LMNB1: variants seen among roughly 807,000 people sequenced by gnomAD.
LMNB1 encodes the protein lamin-B1.
In LMNB1, 23 loss-of-function variants were observed where a neutral mutation model predicts 67.1. The ratio of observed to expected loss-of-function variants is 0.34; its 90% CI spans 0.25 to 0.49. LMNB1 has a LOEUF of 0.49. Ranked by LOEUF, LMNB1 falls within the 20% of genes least tolerant of loss-of-function variation. The pLI is 0.99. For missense variants in LMNB1, 634 were observed against 746.5 expected, an observed-to-expected ratio of 0.85 and a Z score of 1.76; for synonymous variants, 281 against 282.9, an observed-to-expected ratio of 0.99 and a Z score of 0.07.
At chr5:126,822,978 G>C (rs897881612) in intron 8 of LMNB1, 93 bp downstream of exon 8, 2 of 749,382 alleles carry the variant, frequency 2.7e-6, no homozygotes, top group African/African-American at 3.6e-5. Context: ...AAGCATTTTA[G>C]AAATGGCCGT....
chr5:126,789,208 T>C (rs1750888443), intron 1 of LMNB1, among the ~76,000 whole-genome samples: 2 of 151,992 alleles, frequency 1.3e-5, no homozygotes, highest in African/African-American at 4.8e-5. Context: ...TTCTTAAGGG[T>C]CAATTTAAAC....
chr5:126,789,384 A>G (rs1289347241), intron 1 of LMNB1, among the ~76,000 whole-genome samples: 3 of 152,138 alleles, frequency 2.0e-5, no homozygotes, highest in African/African-American at 4.8e-5. Context: ...TAGGGTGACC[A>G]TATAATTTGG....
chr5:126,784,473 A>T (rs1750712708), intron 1 of LMNB1, among the ~76,000 whole-genome samples: 1 of 151,060 alleles, frequency 6.6e-6, no homozygotes, highest in African/African-American at 2.4e-5. Context: ...TCTCTGCCTC[A>T]GCCTCCGGAG....
chr5:126,836,120 G>A (rs1752242318), intron 10 of LMNB1, 103 bp from the exon 11 acceptor site: 2 of 793,384 alleles, frequency 2.5e-6, no homozygotes, highest in East Asian at 4.9e-5. Context: ...TTGAGGTTAG[G>A]TAATATGGTT....
rs74562505 is a variant in LMNB1, at chr5:126,824,693, C to T, written c.1492-1295C>T. ...TCTGAATGTTGGACCAGATTCAGTT[C>T]TTTTTTTCAGTTTAATCCCAGTTAA... On this transcript the variant is annotated intron_variant, in intron 8 of 10. Transcript: ENST00000261366. Among the ~76,000 whole-genome samples, 1,212 of 152,240 alleles carry T rather than the reference C, an allele frequency of 8.0e-3. 14 individuals are homozygous for T. Among genetic ancestry groups the T allele is most frequent in the African/African-American group, 0.027 (1,114 of 41,536 alleles).
chr5:126,834,321 T>C (rs867417449), intron 10 of LMNB1, among the ~76,000 whole-genome samples: 2 of 152,226 alleles, frequency 1.3e-5, no homozygotes, highest in South Asian at 4.1e-4. Flanking sequence ...TACCCCTGCC[T>C]CAGTCTCCCA....
intron 1 of LMNB1, among the ~76,000 whole-genome samples, chr5:126,803,043 C>T (rs191030324): frequency 4.0e-5 from 6 of 151,298 alleles, no homozygotes; most frequent in East Asian, 2.0e-4. Context: ...AAAATTATCT[C>T]GGCCTAGTAC....
At chr5:126,810,487 T>C in intron 4 of LMNB1, 137 bp downstream of exon 4, 1 of 681,862 alleles carries the variant, frequency 1.5e-6, no homozygotes, top group Non-Finnish European at 2.2e-6. Flanking sequence ...ATATAGAAAA[T>C]TGATTTTTTC....
At chr5:126,805,218 G>T (rs1018236409) in intron 2 of LMNB1, among the ~76,000 whole-genome samples, 2 of 152,090 alleles carry the variant, frequency 1.3e-5, no homozygotes, top group Admixed American at 6.5e-5. Flanking sequence ...TATTTTGTTA[G>T]TTAGGAAATA....
At chr5:126,777,914 C>G in intron 1 of LMNB1, 47 bp downstream of exon 1, 1 of 1,375,146 alleles carries the variant, frequency 7.3e-7, no homozygotes, top group Non-Finnish European at 9.4e-7. Context: ...GGGGCGGGGG[C>G]GCAACCGCGG....
At position 126,777,783 on chromosome 5, in the gene LMNB1, C is replaced by T; in HGVS notation, c.275C>T (p.Ala92Val). ...ACCGAGCTGGCCGACGCGCGACGCGCGCTCGACGACACGGCCCGCGAGCGC... is the reference window on the plus strand; with the variant it reads ...ACCGAGCTGGCCGACGCGCGACGCGTGCTCGACGACACGGCCCGCGAGCGC... ...YETELADARR[A>V]LDDTARERAK... is the part of the protein sequence containing the mutation. The change falls in exon 1 of 11, where the codon GCG becomes GTG. Residue 92 changes from alanine to valine, a missense_variant. Physicochemically the swap from Ala to Val is moderately conservative, Grantham distance 64 (BLOSUM62 0). Coordinates refer to ENST00000261366, the MANE Select transcript of LMNB1 (RefSeq NM_005573.4). The T allele has an allele frequency of 2.7e-6, 4 of 1,508,434 alleles. No individual in the cohort carries two copies. The highest frequency in any genetic ancestry group is 1.4e-5 in the African/African-American group (1 of 69,904). The allele number at this position is 1,508,434 out of a possible 1,614,324, so 93.4% of individuals were successfully genotyped here.
chr5:126,808,215 ACT>A (rs1751499906), intron 3 of LMNB1, among the ~76,000 whole-genome samples: 1 of 123,804 alleles, frequency 8.1e-6, no homozygotes, highest in Non-Finnish European at 1.7e-5. Flanking sequence ...ACAGAGTCTC[ACT>A]CTGTTGCCCA....
chr5:126,829,055 C>A (rs1451871387), intron 9 of LMNB1, among the ~76,000 whole-genome samples: 1 of 151,452 alleles, frequency 6.6e-6, no homozygotes, highest in African/African-American at 2.4e-5. Context: ...ACATTAGGAA[C>A]AATCTATAAA....
intron 8 of LMNB1, among the ~76,000 whole-genome samples, chr5:126,825,118 A>G (rs1751966795): frequency 6.6e-6 from 1 of 152,182 alleles, no homozygotes; most frequent in Non-Finnish European, 1.5e-5. Context: ...TGATCTTTCT[A>G]AGAGATCAGG....
intron 5 of LMNB1, among the ~76,000 whole-genome samples, chr5:126,817,959 A>C (rs1751755973): frequency 6.6e-6 from 1 of 152,232 alleles, no homozygotes; most frequent in Admixed American, 6.5e-5. Context: ...CAAGGTTTCT[A>C]AGATGAACTT....
intron 1 of LMNB1, among the ~76,000 whole-genome samples, chr5:126,802,144 G>GT (rs1751300452): frequency 6.6e-6 from 1 of 152,064 alleles, no homozygotes; most frequent in Admixed American, 6.5e-5. Context: ...GCCATCGTGT[G>GT]GTGTTTTAAA....
rs55699774 is a variant in LMNB1, at chr5:126,795,715, C to A, written c.360-9061C>A. On this transcript the variant is annotated intron_variant, in intron 1 of 10. Transcript: ENST00000261366. Reference sequence around the variant, plus strand: ...CTTGGCTCACAGCAACCTCTGCCCCCCCGGGTTCAAGCGATTCTCCTGCCT... The same window carrying A: ...CTTGGCTCACAGCAACCTCTGCCCCACCGGGTTCAAGCGATTCTCCTGCCT... Among the ~76,000 whole-genome samples, 48 of 152,028 alleles carry A rather than the reference C, an allele frequency of 3.2e-4. 1 individual carries two copies. Among genetic ancestry groups the A allele is most frequent in the Admixed American group, 3.3e-4 (5 of 15,258 alleles).
chr5:126,825,515 A>T lies in LMNB1; in HGVS notation c.1492-473A>T, dbSNP rs79603254. ...TTGCTGTAGGCAGCCAGAGAACATT[A>T]TTAGAGGGAGTCACAGAAGGCTCTA... On this transcript the variant is annotated intron_variant, in intron 8 of 10. Coordinates refer to ENST00000261366, the MANE Select transcript of LMNB1 (RefSeq NM_005573.4). Among the ~76,000 whole-genome samples, 543 of 152,262 alleles carry T rather than the reference A, an allele frequency of 3.6e-3. 3 individuals carry two copies. Among genetic ancestry groups the T allele is most frequent in the African/African-American group, 0.012 (504 of 41,554 alleles).
At chr5:126,787,546 A>ATATATATATATATTTTTTTTTTTTTTT in intron 1 of LMNB1, among the ~76,000 whole-genome samples, 4 of 65,576 alleles carry the variant, frequency 6.1e-5, no homozygotes, top group African/African-American at 2.6e-4. Flanking sequence ...ATATATATAT[A>ATATATATATATATTTTTTTTTTTTTTT]TTTTTTTTTT....
Sources: gnomAD v4.1 joint callset for allele counts (sites outside exome capture counted in the v4.1 genomes callset) on GRCh38, gnomAD v4.1.1 for gene constraint, MANE v1.5 for transcripts, NCBI Gene and HGNC (gene_info 2026-07-23, HGNC 2026-07-21) for gene names.